Variants in ARID3B observed in about 807,000 individuals in gnomAD.
ARID3B encodes the protein AT-rich interactive domain-containing protein 3B.
Under a neutral mutation model 51.9 loss-of-function variants are expected in ARID3B, and 10 were observed. The observed-to-expected ratio is 0.19, with a 90% CI of 0.12 to 0.33. ARID3B has a LOEUF of 0.33. Ranked by LOEUF, ARID3B falls within the 10% of genes least tolerant of loss-of-function variation. The pLI is 1.00. For synonymous variants in ARID3B, 205 were observed against 279.5 expected (o/e 0.73, Z 2.66); for missense variants, 483 against 716.3 (o/e 0.67, Z 3.72).
intron 4 of ARID3B, among the ~76,000 whole-genome samples, chr15:74,576,040 G>C (rs969721701): frequency 6.6e-6 from 1 of 152,202 alleles, no homozygotes; most frequent in Non-Finnish European, 1.5e-5. Flanking sequence ...GGGACTATAG[G>C]TAGGCACCAC....
chr15:74,566,562 C>G (rs970104637), intron 2 of ARID3B, among the ~76,000 whole-genome samples: 7 of 151,132 alleles, frequency 4.6e-5, no homozygotes, highest in Non-Finnish European at 8.8e-5. Flanking sequence ...CAGATTACAC[C>G]ACTGCACTCC....
intron 2 of ARID3B, among the ~76,000 whole-genome samples, chr15:74,569,190 T>A (rs2061710405): frequency 6.6e-6 from 1 of 152,164 alleles, no homozygotes; most frequent in Admixed American, 6.5e-5. Context: ...TTACAGCAGT[T>A]GATCAGAGTT....
intron 2 of ARID3B, among the ~76,000 whole-genome samples, chr15:74,553,898 A>G (rs1246060958): frequency 2.0e-5 from 3 of 152,052 alleles, no homozygotes; most frequent in Non-Finnish European, 4.4e-5. Context: ...ATCTCGGCGC[A>G]CTGCAACCTC....
At chr15:74,570,926 C>T (rs1229900579) in intron 2 of ARID3B, among the ~76,000 whole-genome samples, 2 of 152,090 alleles carry the variant, frequency 1.3e-5, no homozygotes, top group Non-Finnish European at 1.5e-5. Context: ...CTATTGGCTC[C>T]CCTGTGCTGA....
intron 4 of ARID3B, among the ~76,000 whole-genome samples, chr15:74,581,880 A>G (rs1474487730): frequency 6.6e-6 from 1 of 152,178 alleles, no homozygotes; most frequent in Non-Finnish European, 1.5e-5. Flanking sequence ...ATCATCTAAG[A>G]GTTGGTATGG....
chr15:74,596,680 C>T lies in ARID3B; in HGVS notation c.*906C>T, dbSNP rs1312944729. ...GGCCATCTTGGCCTCACCATCCCCACACGTGCCGATGTCAGGTTCATTGAA... is the reference window on the plus strand; with the variant it reads ...GGCCATCTTGGCCTCACCATCCCCATACGTGCCGATGTCAGGTTCATTGAA... On this transcript the variant is annotated 3_prime_UTR_variant, in exon 9 of 9. Transcript: ENST00000346246. The T allele has an allele frequency of 1.3e-5, 3 of 233,638 alleles. No individual in the cohort carries two copies. The highest frequency in any genetic ancestry group is 6.0e-5 in the East Asian group (1 of 16,606). 14.5% of individuals were successfully genotyped at this position (233,638 alleles called of 1,614,324 possible). A position where few individuals can be genotyped will look rare whatever the true frequency, so the allele number is the denominator to read the frequency against.
At position 74,591,613 on chromosome 15, in the gene ARID3B, G is replaced by A. The variant is rs748708053; in HGVS notation, c.1219G>A (p.Val407Met). The A allele has an allele frequency of 6.2e-6, 10 of 1,602,582 alleles. No homozygotes were observed. The highest frequency in any genetic ancestry group is 4.0e-5 in the African/African-American group (3 of 74,554). ...TGTGCCAAATCGTCTGGCTGTGCCC[G>A]TGACCTTGGCAAGCCAGCAGGCTGG... ...VPVPNRLAVP[V>M]TLASQQAGTR... The change falls in exon 7 of 9, where the codon GTG (valine) becomes ATG (methionine). Residue 407 changes from valine (V) to methionine (M), a missense_variant. Coordinates refer to ENST00000346246, the MANE Select transcript of ARID3B (RefSeq NM_006465.4). This position sits in a 1 kb window ranked among gnomAD's most constrained non-coding sequence, Gnocchi z 5.8.
At chr15:74,590,994 G>A (rs973584649) in intron 5 of ARID3B, among the ~76,000 whole-genome samples, 157 bp from the exon 6 acceptor site, 3 of 152,138 alleles carry the variant, frequency 2.0e-5, no homozygotes, top group African/African-American at 4.8e-5. Flanking sequence ...CAGAGTGTCC[G>A]GCCATCCCAG....
In ARID3B at chr15:74,579,501, A is replaced by G. The variant is rs575084704; in HGVS notation, c.697+6297A>G. Among the ~76,000 whole-genome samples the G allele has an allele frequency of 1.3e-3, 201 of 152,244 alleles. 2 individuals are homozygous for G. The highest frequency in any genetic ancestry group is 4.3e-3 in the African/African-American group (178 of 41,542). On this transcript the variant is annotated intron_variant, in intron 4 of 8. Coordinates refer to ENST00000346246, the MANE Select transcript of ARID3B (RefSeq NM_006465.4). ...TGAATGAGAGGGTTCAATTAGTGTC[A>G]TCTTGGAAGTTTCTATTGTCTGTAT...
chr15:74,558,870 TG>T (rs2061668802), intron 2 of ARID3B, among the ~76,000 whole-genome samples: 2 of 152,198 alleles, frequency 1.3e-5, no homozygotes, highest in African/African-American at 4.8e-5. Context: ...TTCCCTCTGC[TG>T]GGGCTGCACA....
intron 2 of ARID3B, among the ~76,000 whole-genome samples, chr15:74,551,435 T>G (rs578173062): frequency 2.6e-5 from 4 of 152,312 alleles, no homozygotes; most frequent in African/African-American, 9.6e-5. Flanking sequence ...TACTAAGTCC[T>G]TATAAATACA....
At chr15:74,572,314 C>T (rs2061721891) in intron 2 of ARID3B, among the ~76,000 whole-genome samples, 1 of 152,210 alleles carries the variant, frequency 6.6e-6, no homozygotes, top group African/African-American at 2.4e-5. Flanking sequence ...AATCTCAGGC[C>T]ATGGTGGCCC....
intron 3 of ARID3B, 75 bp downstream of exon 3, chr15:74,573,008 A>G (rs2061724624): frequency 1.3e-6 from 2 of 1,592,166 alleles, no homozygotes; most frequent in East Asian, 2.2e-5. Flanking sequence ...CCCAAGAAAT[A>G]AGGACCAAGG....
In ARID3B at chr15:74,548,158, G is replaced by T. The variant is rs548874542; in HGVS notation, c.552+3670G>T. Among the ~76,000 whole-genome samples the T allele has an allele frequency of 8.5e-5, 13 of 152,242 alleles. No homozygotes were observed. In the South Asian group the frequency reaches 2.7e-3, roughly 32 times the overall value. On this transcript the variant is annotated intron_variant, in intron 2 of 8. Coordinates refer to ENST00000346246, the MANE Select transcript of ARID3B (RefSeq NM_006465.4). ...ATTGTAAAACAAGAAAACAGACAAAGAACTGAGTGTTCCTTTTCTCAAAGG... is the reference window on the plus strand; with the variant it reads ...ATTGTAAAACAAGAAAACAGACAAATAACTGAGTGTTCCTTTTCTCAAAGG...
At chr15:74,568,384 T>TA (rs1458965070) in intron 2 of ARID3B, among the ~76,000 whole-genome samples, 1 of 152,224 alleles carries the variant, frequency 6.6e-6, no homozygotes. Context: ...TACAAGTCAG[T>TA]ATGGTGTAAC....
At chr15:74,541,673 G>A (rs540842473) in intron 1 of ARID3B, among the ~76,000 whole-genome samples, 1 of 150,216 alleles carries the variant, frequency 6.7e-6, no homozygotes, top group African/African-American at 2.4e-5. Context: ...AATGGGGGGA[G>A]GTGAATAAAG....
Position 74,597,498 on chromosome 15 carries a change from C to A in ARID3B, c.*1724C>A, listed in dbSNP as rs2061832654. The A allele has an allele frequency of 2.1e-5, 11 of 534,456 alleles. No individual in the cohort carries two copies. Among genetic ancestry groups the A allele is most frequent in the South Asian group, 1.5e-4 (10 of 65,038 alleles). 33.1% of individuals were successfully genotyped at this position (534,456 alleles called of 1,614,324 possible). On this transcript the variant is annotated 3_prime_UTR_variant, in exon 9 of 9. Coordinates refer to ENST00000346246, the MANE Select transcript of ARID3B (RefSeq NM_006465.4). Reference sequence around the variant, plus strand: ...TCAGCCCTCCACACACACTCACCCCCACTCCCACACACATACACACACACA... The same window carrying A: ...TCAGCCCTCCACACACACTCACCCCAACTCCCACACACATACACACACACA...
At chr15:74,589,130 C>G (rs1423421349) in intron 4 of ARID3B, among the ~76,000 whole-genome samples, 2 of 147,444 alleles carry the variant, frequency 1.4e-5, no homozygotes, top group East Asian at 4.2e-4. Context: ...CGGGTTCATG[C>G]CATTCTCCTG....
At chr15:74,567,672 T>C (rs1461925377) in intron 2 of ARID3B, among the ~76,000 whole-genome samples, 1 of 152,164 alleles carries the variant, frequency 6.6e-6, no homozygotes, top group Non-Finnish European at 1.5e-5. Flanking sequence ...GCTCACTCCA[T>C]TACCAGGCAG....
Sources: gnomAD v4.1 joint callset for allele counts (sites outside exome capture counted in the v4.1 genomes callset) on GRCh38, gnomAD v4.1.1 for gene constraint, Gnocchi (gnomAD v3.1) non-coding constraint, MANE v1.5 for transcripts, NCBI Gene and HGNC (gene_info 2026-07-23, HGNC 2026-07-21) for gene names.